The following KIF3C variants were observed in gnomAD, a reference collection of about 807,000 sequenced individuals.
KIF3C encodes kinesin family member 3C, also known as kinesin-like protein KIF3C.
In KIF3C, 12 loss-of-function variants were observed where a neutral mutation model predicts 67.7. That is an observed-to-expected ratio of 0.18 (90% CI 0.11 to 0.29). KIF3C has a LOEUF of 0.29. Among genes scored for constraint, KIF3C ranks in the 10% least tolerant of loss-of-function variants. The pLI, the probability that KIF3C is intolerant of heterozygous loss-of-function variation, is 1.00. For synonymous variants in KIF3C, 393 were observed against 426.2 expected, an observed-to-expected ratio of 0.92 and a Z score of 0.96; for missense variants, 789 against 1,059.6, an observed-to-expected ratio of 0.74 and a Z score of 3.55.
At chr2:25,933,431 G>A (rs1432853681) in intron 5 of KIF3C, among the ~76,000 whole-genome samples, 1 of 152,058 alleles carries the variant, frequency 6.6e-6, no homozygotes, top group Non-Finnish European at 1.5e-5. Context: ...ACCACTTTGG[G>A]AGGCTGAGGC....
rs1278842943 is a variant in KIF3C at position 25,974,677 on chromosome 2, C to T, written c.1545+5696G>A. On this transcript the variant is annotated intron_variant, in intron 1 of 7. Transcript: ENST00000264712. ...TCATATAATAAGGCCAGCAGAGAGA[C>T]CAGAGAGGAGACCTCGATCTGGGAG... 2.0e-5 allele frequency among the ~76,000 whole-genome samples: 3 copies of T among 152,088 alleles called. No individual in the cohort carries two copies. In the East Asian group the frequency reaches 5.8e-4, roughly 29 times the overall value.
At chr2:25,929,690 A>T (rs1005202065) in intron 6 of KIF3C, among the ~76,000 whole-genome samples, 4 of 150,426 alleles carry the variant, frequency 2.7e-5, no homozygotes, top group African/African-American at 9.8e-5. Context: ...ATCTCGGCTC[A>T]CTGCAACCTC....
At chr2:25,961,609 T>C (rs1663944312) in intron 1 of KIF3C, among the ~76,000 whole-genome samples, 1 of 152,216 alleles carries the variant, frequency 6.6e-6, no homozygotes, top group Non-Finnish European at 1.5e-5. Context: ...CAGAAGACAC[T>C]GGCTGAATAT....
chr2:25,964,851 C>T (rs2149239358), intron 1 of KIF3C, among the ~76,000 whole-genome samples: 1 of 152,284 alleles, frequency 6.6e-6, no homozygotes, highest in South Asian at 2.1e-4. Flanking sequence ...CCAAGCATGA[C>T]TGCTGAGTCC....
intron 1 of KIF3C, among the ~76,000 whole-genome samples, chr2:25,967,417 C>CTTTG (rs2149240468): frequency 6.6e-6 from 1 of 152,320 alleles, no homozygotes; most frequent in African/African-American, 2.4e-5. Context: ...CTGCCACTCT[C>CTTTG]TTTGCTACAA....
rs1390877461 is a variant in KIF3C, at chr2:25,955,992, G to A, written c.1648-329C>T. Among the ~76,000 whole-genome samples, 2 of 152,230 alleles carry A rather than the reference G, an allele frequency of 1.3e-5. No homozygotes were observed. The highest frequency in any genetic ancestry group is 2.9e-5 in the Non-Finnish European group (2 of 68,044). ...CACCCTCTCCCCAAGTAGTATAATG[G>A]TTGATTGGTAAGACCAACAAACTGT... On this transcript the variant is annotated intron_variant, in intron 2 of 7. Transcript: ENST00000264712. This position sits in a 1 kb window ranked among gnomAD's most constrained non-coding sequence, Gnocchi z 5.0.
rs374144161 is a variant in KIF3C, at chr2:25,939,208, T to A, written c.2007-9145A>T. On this transcript the variant is annotated intron_variant, in intron 5 of 7. Transcript: ENST00000264712. Reference sequence around the variant, plus strand: ...GTCTCGAACTCCTGGCCTGAAGTGATCCACCTGCCTTGGCCTCCCAAAGTG... The same window carrying A: ...GTCTCGAACTCCTGGCCTGAAGTGAACCACCTGCCTTGGCCTCCCAAAGTG... Among the ~76,000 whole-genome samples, 12 of 152,262 alleles carry A rather than the reference T, an allele frequency of 7.9e-5. 1 individual carries two copies. In the East Asian group the frequency reaches 2.1e-3, roughly 27 times the overall value.
At chr2:25,963,020 A>ATATATAATATATAATATATAAT (rs1242526812) in intron 1 of KIF3C, among the ~76,000 whole-genome samples, 2 of 31,528 alleles carry the variant, frequency 6.3e-5, no homozygotes, top group African/African-American at 2.2e-4. Flanking sequence ...TAATATATAT[A>ATATATAATATATAATATATAAT]ATATATAATA....
At chr2:25,936,434 T>A (rs575769874) in intron 5 of KIF3C, among the ~76,000 whole-genome samples, 1 of 152,148 alleles carries the variant, frequency 6.6e-6, no homozygotes, top group African/African-American at 2.4e-5. Context: ...ATTGTGTGAT[T>A]ATGGGTGATT....
Position 25,980,531 on chromosome 2 carries a change from C to G in KIF3C, c.1387G>C (p.Glu463Gln), listed in dbSNP as rs199625387. The stretch of plus-strand genomic sequence containing the variant: ...TCCTCCTCCAGCCGCTCCTTCTGTT[C>G]CTGCAGGTAATTCTCCATGTTCTTC... ...LEKNMENYLQ[E>Q]QKERLEEEKA... Residue 463 changes from glutamate (E) to glutamine (Q), a missense_variant, in exon 1 of 8, where the codon GAA becomes CAA. Glu to Gln is a conservative substitution (Grantham distance 29). Around this residue, in one of 2 missense-constraint regions of KIF3C, gnomAD observed 648 missense variants for 807.8 expected, o/e 0.80. Coordinates refer to ENST00000264712, the MANE Select transcript of KIF3C (RefSeq NM_002254.8). The surrounding 1 kb of genome is among the most constrained non-coding windows in gnomAD (Gnocchi z 7.6). 65 of 1,614,082 alleles carry G rather than the reference C, an allele frequency of 4.0e-5. No homozygotes were observed. Among genetic ancestry groups the G allele is most frequent in the Non-Finnish European group, 4.0e-5 (47 of 1,180,058 alleles).
chr2:25,955,373 G>GC lies in KIF3C; in HGVS notation c.1770+167dup, dbSNP rs376599448. 6.1e-4 allele frequency among the ~76,000 whole-genome samples: 93 copies of GC among 151,866 alleles called. No homozygotes were observed. The highest frequency in any genetic ancestry group is 2.1e-3 in the African/African-American group (89 of 41,414). On this transcript the variant is annotated intron_variant, in intron 3 of 7. Coordinates refer to ENST00000264712, the MANE Select transcript of KIF3C (RefSeq NM_002254.8). This position sits in a 1 kb window ranked among gnomAD's most constrained non-coding sequence, Gnocchi z 5.0. ...GAGAAAAGGCTCTACTCCACCCCCA[G>GC]CCCCCGCCTCCTGCCTCCCCCTGTT...
At position 25,982,349 on chromosome 2, in the gene KIF3C, C is replaced by T. The variant is rs1182495253; in HGVS notation, c.-432G>A. On this transcript the variant is annotated 5_prime_UTR_variant, in exon 1 of 8. Coordinates refer to ENST00000264712, the MANE Select transcript of KIF3C (RefSeq NM_002254.8). The stretch of plus-strand genomic sequence containing the variant: ...CATAGCGTGGGCTGCCGGTCGTGGG[C>T]GGCCGGGGGTCCCGGGCCTCCCGAG... The T allele has an allele frequency of 5.0e-6, 2 of 398,818 alleles. No individual in the cohort carries two copies. The highest frequency in any genetic ancestry group is 4.4e-5 in the Admixed American group (1 of 22,728). 24.7% of individuals were successfully genotyped at this position (398,818 alleles called of 1,614,324 possible). A position where few individuals can be genotyped will look rare whatever the true frequency, so the allele number is the denominator to read the frequency against.
At chr2:25,961,880 G>A (rs920548836) in intron 1 of KIF3C, among the ~76,000 whole-genome samples, 3 of 151,606 alleles carry the variant, frequency 2.0e-5, no homozygotes, top group Non-Finnish European at 2.9e-5. Flanking sequence ...AACCCGAGGC[G>A]GAGGTTGCAG....
intron 1 of KIF3C, among the ~76,000 whole-genome samples, chr2:25,961,738 T>A (rs1454985764): frequency 6.6e-6 from 1 of 152,170 alleles, no homozygotes; most frequent in African/African-American, 2.4e-5. Flanking sequence ...GAGTACTGTG[T>A]GTAGTTCTCT....
intron 5 of KIF3C, among the ~76,000 whole-genome samples, chr2:25,940,822 T>C (rs1259318794): frequency 6.6e-6 from 1 of 151,586 alleles, no homozygotes; most frequent in African/African-American, 2.4e-5. Flanking sequence ...GCGGCTAGTT[T>C]TTGTATTTTT....
intron 4 of KIF3C, among the ~76,000 whole-genome samples, chr2:25,953,343 A>G (rs562279899): frequency 3.9e-5 from 6 of 152,136 alleles, no homozygotes; most frequent in African/African-American, 1.4e-4. Context: ...TTTTAAAATA[A>G]TTTTTAAAAC....
intron 1 of KIF3C, among the ~76,000 whole-genome samples, chr2:25,973,269 T>C (rs987989674): frequency 3.3e-5 from 5 of 151,830 alleles, no homozygotes; most frequent in Non-Finnish European, 4.4e-5. Flanking sequence ...CTGTACATAT[T>C]TAGGTCAGGC....
intron 3 of KIF3C, among the ~76,000 whole-genome samples, chr2:25,954,883 T>C (rs1663766676): frequency 6.6e-6 from 1 of 152,126 alleles, no homozygotes; most frequent in Non-Finnish European, 1.5e-5. Flanking sequence ...GGAGGTAGCA[T>C]GGCCATCCTG....
chr2:25,979,188 G>A (rs1324677470), intron 1 of KIF3C, among the ~76,000 whole-genome samples: 1 of 152,160 alleles, frequency 6.6e-6, no homozygotes, highest in Non-Finnish European at 1.5e-5. Flanking sequence ...GGCTCCAGGG[G>A]CCTGGAAATG....
Sources: allele counts gnomAD v4.1 joint callset (sites outside exome capture counted in the v4.1 genomes callset), GRCh38; gene constraint gnomAD v4.1.1; regional missense constraint gnomAD v4.1.1; non-coding constraint Gnocchi (gnomAD v3.1); transcripts MANE v1.5; gene names NCBI Gene and HGNC (gene_info 2026-07-23, HGNC 2026-07-21).